Variants in CLEC16A observed in about 807,000 individuals in gnomAD.
CLEC16A encodes C-type lectin domain containing 16A.
CLEC16A carries 51 observed loss-of-function variants against 109.5 expected under a neutral mutation model. That is an observed-to-expected ratio of 0.47 (90% confidence interval 0.37 to 0.59). The LOEUF is 0.59. CLEC16A is among the 20% of genes least tolerant of loss of function. The pLI is 0.00. For missense variants in CLEC16A, 1,339 were observed against 1,394.0 expected, an observed-to-expected ratio of 0.96 and a Z score of 0.63; for synonymous variants, 673 against 564.2, an observed-to-expected ratio of 1.19 and a Z score of -2.73.
intron 13 of CLEC16A, among the ~76,000 whole-genome samples, chr16:11,037,033 CG>C (rs2047062627): frequency 6.6e-6 from 1 of 152,184 alleles, no homozygotes; most frequent in African/African-American, 2.4e-5. Flanking sequence ...AGTCGTGGGG[CG>C]GGTAGTTACC....
chr16:10,982,884 T>C lies in CLEC16A; in HGVS notation c.964T>C (p.Leu322=). The change falls in exon 10 of 24, where the codon TTA becomes CTA. Residue 322 remains leucine, a synonymous_variant. Transcript: ENST00000409790. ...TTTCTTTTTTTTCCGCCAGGTCTTC[T>C]TAATTATACATCATGCACCGCTGGT... is the stretch of plus-strand genomic sequence containing the variant. The part of the protein sequence containing the change: ...VSLYLLSQVF[L]IIHHAPLVNS... 1 of 1,592,324 alleles carries C rather than the reference T, an allele frequency of 6.3e-7. No individual in the cohort carries two copies. Among genetic ancestry groups the C allele is most frequent in the Non-Finnish European group, 8.6e-7 (1 of 1,160,426 alleles).
intron 3 of CLEC16A, among the ~76,000 whole-genome samples, chr16:10,963,412 C>G (rs1700818): frequency 0.67 from 101,923 of 152,138 alleles, 36,348 homozygotes; most frequent in African/African-American, 0.92. Context: ...TGGGTACTAT[C>G]AGAGGGTTCC....
intron 22 of CLEC16A, among the ~76,000 whole-genome samples, chr16:11,138,852 G>A (rs1309879402): frequency 6.6e-6 from 1 of 152,072 alleles, no homozygotes; most frequent in Non-Finnish European, 1.5e-5. Context: ...TGTTTAGGTG[G>A]TGGCCAATTT....
chr16:11,059,257 T>C (rs770154487), intron 18 of CLEC16A, among the ~76,000 whole-genome samples: 18 of 152,226 alleles, frequency 1.2e-4, no homozygotes, highest in Non-Finnish European at 2.4e-4. Context: ...TTTCTCCCAA[T>C]TGTTAGAGAT....
intron 19 of CLEC16A, among the ~76,000 whole-genome samples, chr16:11,092,361 A>AACACACACACACACACACACACAC (rs3030566): frequency 3.7e-4 from 49 of 132,530 alleles, no homozygotes; most frequent in East Asian, 1.4e-3. Flanking sequence ...AACAAAAACA[A>AACACACACACACACACACACACAC]ACACACACAC....
intron 19 of CLEC16A, among the ~76,000 whole-genome samples, chr16:11,074,828 A>G (rs2049259955): frequency 6.6e-6 from 1 of 152,214 alleles, no homozygotes; most frequent in Non-Finnish European, 1.5e-5. Context: ...CATTAGAGAA[A>G]TGAGGCATTT....
intron 7 of CLEC16A, among the ~76,000 whole-genome samples, chr16:10,974,471 T>A (rs986792326): frequency 6.6e-6 from 1 of 152,224 alleles, no homozygotes; most frequent in Non-Finnish European, 1.5e-5. Context: ...TTGGGGGGGC[T>A]GTCCTGTGCG....
At chr16:10,959,479 C>A (rs1202907578) in intron 2 of CLEC16A, among the ~76,000 whole-genome samples, 2 of 152,188 alleles carry the variant, frequency 1.3e-5, no homozygotes, top group Non-Finnish European at 2.9e-5. Flanking sequence ...GCAACCTCTG[C>A]CTCCCAGTTT....
chr16:11,028,702 A>G (rs1224529174), intron 13 of CLEC16A, among the ~76,000 whole-genome samples: 1 of 152,220 alleles, frequency 6.6e-6, no homozygotes, highest in Non-Finnish European at 1.5e-5. Context: ...ACATGTATGG[A>G]TAGGTGTGAA....
intron 19 of CLEC16A, among the ~76,000 whole-genome samples, chr16:11,098,185 C>G (rs768270082): frequency 1.3e-5 from 2 of 152,226 alleles, no homozygotes; most frequent in Non-Finnish European, 2.9e-5. Flanking sequence ...GCAGCACGCA[C>G]TAGCATGGTG....
At chr16:10,967,166 C>CG (rs757882108) in intron 3 of CLEC16A, among the ~76,000 whole-genome samples, 3 of 152,108 alleles carry the variant, frequency 2.0e-5, no homozygotes, top group Non-Finnish European at 4.4e-5. Context: ...GTGGCTTTCC[C>CG]GGAGAACTGA....
intron 13 of CLEC16A, among the ~76,000 whole-genome samples, chr16:11,028,181 C>T (rs1041255349): frequency 3.9e-5 from 6 of 152,136 alleles, no homozygotes; most frequent in Non-Finnish European, 7.4e-5. Flanking sequence ...GCCTGGGCAA[C>T]GAGCGAAACT....
Position 11,060,966 on chromosome 16 carries a change from A to G in CLEC16A, c.2060A>G (p.Gln687Arg), listed in dbSNP as rs201285453. Residue 687 changes from glutamine (Q) to arginine (R), a missense_variant, in exon 19 of 24, where the codon CAG becomes CGG. This residue lies in a region of CLEC16A where 1,061 missense variants were observed against 1,006.8 expected (regional missense o/e 1.05). Coordinates refer to ENST00000409790, the MANE Select transcript of CLEC16A (RefSeq NM_015226.3). ...CAATTGCGAGGGGAGCCTGAGACAC[A>G]GTTGCCGCTGACTCGGGAGGAGGAC... ...SLQLRGEPET[Q>R]LPLTREEDLI... 2.1e-5 allele frequency: 34 copies of G among 1,612,416 alleles called. No homozygotes were observed. In the African/African-American group the frequency reaches 3.5e-4, roughly 16 times the overall value.
chr16:10,977,105 C>A lies in CLEC16A; in HGVS notation c.729-120C>A, dbSNP rs564722585. 1.6e-5 allele frequency: 15 copies of A among 935,634 alleles called. No individual in the cohort carries two copies. In the African/African-American group the frequency reaches 2.5e-4, roughly 15 times the overall value. The allele number at this position is 935,634 out of a possible 1,614,324, so 58.0% of individuals were successfully genotyped here. A position where few individuals can be genotyped will look rare whatever the true frequency, so the allele number is the denominator to read the frequency against. Reference sequence around the variant, plus strand: ...CCAGTAGGGGCCAGGATAAGTGTCTCTTGAGACTAACTCAAATATGTGGAT... The same window carrying A: ...CCAGTAGGGGCCAGGATAAGTGTCTATTGAGACTAACTCAAATATGTGGAT... On this transcript the variant is annotated intron_variant, in intron 7 of 23. Transcript: ENST00000409790.
At chr16:11,143,497 G>C (rs1036321644) in intron 22 of CLEC16A, among the ~76,000 whole-genome samples, 9 of 152,192 alleles carry the variant, frequency 5.9e-5, no homozygotes, top group Non-Finnish European at 1.2e-4. Context: ...TTATATAGCA[G>C]TTTCCCTTAG....
chr16:10,978,044 G>C (rs958019657), intron 8 of CLEC16A, among the ~76,000 whole-genome samples: 60 of 152,218 alleles, frequency 3.9e-4, no homozygotes, highest in African/African-American at 1.4e-3. Flanking sequence ...GTAGTTGCCA[G>C]AACCCACTGA....
intron 13 of CLEC16A, 70 bp from the exon 14 acceptor site, chr16:11,039,684 C>A: frequency 6.6e-7 from 1 of 1,524,656 alleles, no homozygotes; most frequent in Non-Finnish European, 8.8e-7. Context: ...CCCCACTCTA[C>A]AGGACCTTTC....
At chr16:11,172,757 TAG>T (rs1450609394) in intron 23 of CLEC16A, among the ~76,000 whole-genome samples, 1 of 151,888 alleles carries the variant, frequency 6.6e-6, no homozygotes, top group Non-Finnish European at 1.5e-5. Flanking sequence ...GGCGTGGTGG[TAG>T]GCGTCTGTAA....
intron 22 of CLEC16A, among the ~76,000 whole-genome samples, chr16:11,160,055 C>T (rs2153087415): frequency 6.6e-6 from 1 of 152,198 alleles, no homozygotes; most frequent in Non-Finnish European, 1.5e-5. Flanking sequence ...CTTTCAGCTC[C>T]CTAAAAGGTT....
Sources: gnomAD v4.1 joint callset for allele counts (sites outside exome capture counted in the v4.1 genomes callset) on GRCh38, gnomAD v4.1.1 for gene constraint, gnomAD v4.1.1 regional missense constraint, MANE v1.5 for transcripts, NCBI Gene and HGNC (gene_info 2026-07-23, HGNC 2026-07-21) for gene names.